Variants in CSMD1 observed in about 807,000 individuals in gnomAD.
CSMD1 encodes CUB and sushi domain-containing protein 1.
A neutral mutation model predicts 417.5 loss-of-function variants in CSMD1; 213 were observed. The ratio of observed to expected loss-of-function variants is 0.51; its 90% CI spans 0.46 to 0.57. The LOEUF (loss-of-function observed/expected upper bound fraction) is 0.57, where lower values mean the gene tolerates loss of function less well. Ranked by LOEUF, CSMD1 falls within the 20% of genes least tolerant of loss-of-function variation. The pLI is 0.00. For synonymous variants in CSMD1, 2,862 were observed against 1,736.8 expected (o/e 1.65, Z -16.11); for missense variants, 6,923 against 4,529.7 (o/e 1.53, Z -15.17).
At chr8:4,465,975 G>T (rs543365214) in intron 2 of CSMD1, among the ~76,000 whole-genome samples, 1 of 152,196 alleles carries the variant, frequency 6.6e-6, no homozygotes, top group Non-Finnish European at 1.5e-5. Flanking sequence ...GAGAGACAAG[G>T]ACAGATGGGA....
intron 3 of CSMD1, among the ~76,000 whole-genome samples, chr8:4,058,698 C>T (rs1410672140): frequency 7.3e-5 from 10 of 137,902 alleles, no homozygotes; most frequent in Non-Finnish European, 1.1e-4. Context: ...ACAAAGAAGG[C>T]CATTACATAA....
intron 2 of CSMD1, among the ~76,000 whole-genome samples, chr8:4,555,100 A>G (rs547467336): frequency 1.3e-5 from 2 of 152,324 alleles, no homozygotes; most frequent in Admixed American, 1.3e-4. Flanking sequence ...ATTTTTAGGA[A>G]TGATAGGATG....
At chr8:3,293,581 C>A (rs577168568) in intron 25 of CSMD1, among the ~76,000 whole-genome samples, 2 of 152,144 alleles carry the variant, frequency 1.3e-5, no homozygotes, top group African/African-American at 2.4e-5. Flanking sequence ...TTCATTTCAT[C>A]TTCCATCACT....
rs893386178 is a variant in CSMD1 at position 3,399,410 on chromosome 8, T to C, written c.2386A>G (p.Ile796Val). 18 of 1,605,614 alleles carry C rather than the reference T, an allele frequency of 1.1e-5. No individual in the cohort carries two copies. The Admixed American group carries it at 1.7e-4, about 15-fold the overall frequency. Residue 796 changes from isoleucine (I) to valine (V), a missense_variant, in exon 16 of 70, where the codon ATC becomes GTC. Transcript: ENST00000635120. ...TCTTACCTGTCAAAAGTTATTTTGA[T>C]AGAGTGGCCTGGTTTTGCTTCAATT... ...WIIEAKPGHS[I>V]KITFDRFQTE...
chr8:4,739,466 T>C (rs1628982), intron 1 of CSMD1, among the ~76,000 whole-genome samples: 27,754 of 152,200 alleles, frequency 0.18, 3,446 homozygotes, highest in African/African-American at 0.36. Context: ...TATTATCTAA[T>C]TGAATTTGTT....
chr8:3,771,039 T>C (rs1798542839), intron 5 of CSMD1, among the ~76,000 whole-genome samples: 1 of 151,390 alleles, frequency 6.6e-6, no homozygotes, highest in South Asian at 2.1e-4. Flanking sequence ...TCTGCGTGCG[T>C]GTGTGTGTTT....
chr8:4,527,867 T>C (rs968844369), intron 2 of CSMD1, among the ~76,000 whole-genome samples: 2 of 152,172 alleles, frequency 1.3e-5, no homozygotes, highest in Non-Finnish European at 1.5e-5. Flanking sequence ...ACGTCTTAGT[T>C]CTATGAAATC....
At chr8:3,956,775 C>A (rs982554663) in intron 5 of CSMD1, among the ~76,000 whole-genome samples, 3 of 152,056 alleles carry the variant, frequency 2.0e-5, no homozygotes, top group African/African-American at 7.2e-5. Flanking sequence ...GTTTTAGCCT[C>A]TGGAAGAATC....
At chr8:4,119,185 C>T (rs929816942) in intron 3 of CSMD1, among the ~76,000 whole-genome samples, 1 of 151,972 alleles carries the variant, frequency 6.6e-6, no homozygotes, top group Non-Finnish European at 1.5e-5. Context: ...TGCAGCAAAC[C>T]ATCGTGGCAC....
At chr8:3,545,245 T>C (rs1798609543) in intron 10 of CSMD1, among the ~76,000 whole-genome samples, 1 of 152,214 alleles carries the variant, frequency 6.6e-6, no homozygotes, top group African/African-American at 2.4e-5. Context: ...TGTATGTGTC[T>C]ATGAACTTTT....
chr8:4,017,710 G>C (rs573681567), intron 4 of CSMD1, among the ~76,000 whole-genome samples: 1 of 152,026 alleles, frequency 6.6e-6, no homozygotes, highest in Non-Finnish European at 1.5e-5. Context: ...TCACAGGATT[G>C]ACTTTGTGCC....
intron 1 of CSMD1, among the ~76,000 whole-genome samples, chr8:4,716,083 T>A (rs553889344): frequency 1.5e-4 from 23 of 152,178 alleles, no homozygotes; most frequent in South Asian, 6.2e-4. Flanking sequence ...TAGAGCTGGG[T>A]TGGGGGCAGG....
rs115780220 is a variant in CSMD1, at chr8:3,977,009, A to G, written c.818+20894T>C. Among the ~76,000 whole-genome samples the G allele has an allele frequency of 2.6e-3, 393 of 152,282 alleles. 1 individual carries two copies. Among genetic ancestry groups the G allele is most frequent in the African/African-American group, 9.2e-3 (383 of 41,550 alleles). On this transcript the variant is annotated intron_variant, in intron 5 of 69. Coordinates refer to ENST00000635120, the MANE Select transcript of CSMD1 (RefSeq NM_033225.6). ...TAGTGTGCAGTGGGTGGGGGCGTGA[A>G]GGTGCCTGCAGGGAATGGGTGAGAC...
chr8:4,543,006 T>C (rs955832316), intron 2 of CSMD1, among the ~76,000 whole-genome samples: 3 of 152,208 alleles, frequency 2.0e-5, no homozygotes, highest in Non-Finnish European at 4.4e-5. Context: ...GTCTATATTT[T>C]AGAGTAGGTT....
At chr8:3,017,377 T>G (rs943998835) in intron 52 of CSMD1, among the ~76,000 whole-genome samples, 1 of 152,206 alleles carries the variant, frequency 6.6e-6, no homozygotes, top group Non-Finnish European at 1.5e-5. Flanking sequence ...TGAAGAAGCA[T>G]ACATAGTCCA....
intron 52 of CSMD1, 61 bp downstream of exon 52, chr8:3,018,416 C>T: frequency 6.7e-7 from 1 of 1,502,262 alleles, no homozygotes; most frequent in Non-Finnish European, 9.1e-7. Flanking sequence ...TGTTACACAG[C>T]TGTAATCTAT....
At chr8:4,107,496 G>A (rs772563837) in intron 3 of CSMD1, among the ~76,000 whole-genome samples, 1 of 152,176 alleles carries the variant, frequency 6.6e-6, no homozygotes, top group East Asian at 1.9e-4. Context: ...TTCAAACACC[G>A]AAGAATTCCA....
At chr8:4,388,663 G>A (rs182654473) in intron 3 of CSMD1, among the ~76,000 whole-genome samples, 32 of 152,144 alleles carry the variant, frequency 2.1e-4, no homozygotes, top group Non-Finnish European at 3.8e-4. Context: ...ACTTACCTAT[G>A]TAACCAAATA....
chr8:4,218,078 C>G (rs1377357353), intron 3 of CSMD1, among the ~76,000 whole-genome samples: 1 of 152,170 alleles, frequency 6.6e-6, no homozygotes, highest in Non-Finnish European at 1.5e-5. Flanking sequence ...CCTGAGGTTG[C>G]AATTTTTTGA....
Sources: allele counts gnomAD v4.1 joint callset (sites outside exome capture counted in the v4.1 genomes callset), GRCh38; gene constraint gnomAD v4.1.1; transcripts MANE v1.5; gene names NCBI Gene and HGNC (gene_info 2026-07-23, HGNC 2026-07-21).